USH2A: variants seen among roughly 807,000 people sequenced by gnomAD.
USH2A encodes the protein usherin, also known as Usher syndrome 2A (autosomal recessive, mild).
Under a neutral mutation model 538.9 loss-of-function variants are expected in USH2A, and 443 were observed. The ratio of observed to expected loss-of-function variants is 0.82; its 90% CI spans 0.76 to 0.89. The LOEUF (loss-of-function observed/expected upper bound fraction) is 0.89, where lower values mean the gene tolerates loss of function less well. USH2A is among the 40% of genes least tolerant of loss of function. The pLI, the probability that USH2A is intolerant of heterozygous loss-of-function variation, is 0.00. For synonymous variants in USH2A, 2,413 were observed against 2,273.5 expected (o/e 1.06, Z -1.75); for missense variants, 6,633 against 6,324.8 (o/e 1.05, Z -1.65).
chr1:216,130,398 G>A lies in USH2A; in HGVS notation c.4628-33185C>T, dbSNP rs1481411759. On this transcript the variant is annotated intron_variant, in intron 21 of 71. Transcript: ENST00000307340. ...TAACTTAGCTCCCACTTTTGAGTGA[G>A]CATATATGATGTTTGGTTTTCCATT... Among the ~76,000 whole-genome samples, 10 of 151,500 alleles carry A rather than the reference G, an allele frequency of 6.6e-5. No homozygotes were observed. In the Admixed American group the frequency reaches 6.6e-4, roughly 10 times the overall value.
chr1:216,137,175 T>C (rs1428566347), intron 21 of USH2A, among the ~76,000 whole-genome samples: 1 of 152,176 alleles, frequency 6.6e-6, no homozygotes, highest in Non-Finnish European at 1.5e-5. Flanking sequence ...GAAAACCCTT[T>C]GGTGGCATGC....
intron 11 of USH2A, among the ~76,000 whole-genome samples, chr1:216,253,323 C>T (rs561775645): frequency 1.3e-5 from 2 of 151,996 alleles, no homozygotes; most frequent in South Asian, 2.1e-4. Flanking sequence ...GGCCACCAGG[C>T]ACGGCTAATT....
chr1:216,228,026 T>C (rs2035594831), intron 14 of USH2A, among the ~76,000 whole-genome samples: 1 of 151,950 alleles, frequency 6.6e-6, no homozygotes. Flanking sequence ...ACAGTGAAGT[T>C]AGGGATGGGG....
In USH2A at chr1:215,648,516, C is replaced by T. The variant is rs563747629; in HGVS notation, c.14582+12G>A. The T allele has an allele frequency of 1.2e-6, 2 of 1,613,260 alleles. No individual in the cohort carries two copies. The highest frequency in any genetic ancestry group is 4.5e-5 in the East Asian group (2 of 44,884). ...CTTGTTAGTTTCTTCATCCTTCTGC[C>T]TGACCCATTACCTGTGAATGACACC... On this transcript the variant is annotated intron_variant, in intron 66 of 71. Transcript: ENST00000307340.
chr1:215,709,926 A>G (rs1432687313), intron 61 of USH2A, among the ~76,000 whole-genome samples: 1 of 152,224 alleles, frequency 6.6e-6, no homozygotes, highest in African/African-American at 2.4e-5. Flanking sequence ...ATCTCTGTTA[A>G]GCTTAAAGGC....
rs541498993 is a variant in USH2A, at chr1:215,968,149, T to C, written c.6957+2476A>G. On this transcript the variant is annotated intron_variant, in intron 36 of 71. Transcript: ENST00000307340. ...TCCTGCTGCATTCTGTTAATTTTTA[T>C]GTTATTTCAAAATTTATAAAACCCC... is the stretch of plus-strand genomic sequence containing the variant. Among the ~76,000 whole-genome samples, 271 of 152,312 alleles carry C rather than the reference T, an allele frequency of 1.8e-3. 1 individual carries two copies. The highest frequency in any genetic ancestry group is 6.3e-3 in the African/African-American group (263 of 41,582).
chr1:216,133,252 T>C (rs1487494049), intron 21 of USH2A, among the ~76,000 whole-genome samples: 1 of 152,146 alleles, frequency 6.6e-6, no homozygotes, highest in Non-Finnish European at 1.5e-5. Flanking sequence ...ACATTTTAAA[T>C]ATATTTTGTT....
intron 64 of USH2A, among the ~76,000 whole-genome samples, chr1:215,652,890 G>C (rs1432324558): frequency 6.6e-6 from 1 of 152,182 alleles, no homozygotes; most frequent in Non-Finnish European, 1.5e-5. Context: ...GGCTACAATG[G>C]ATGGGGAGGA....
rs142413495 is a variant in USH2A, at chr1:216,000,310, A to AAAT, written c.6485+90_6485+92dup. The AAAT allele has an allele frequency of 1.7e-3, 2,599 of 1,541,614 alleles. 68 individuals are homozygous for AAAT. The East Asian group carries it at 0.048, about 28-fold the overall frequency. On this transcript the variant is annotated intron_variant, in intron 33 of 71. Coordinates refer to ENST00000307340, the MANE Select transcript of USH2A (RefSeq NM_206933.4). ...CACTTCTATGCATTTAATCACAATA[A>AAAT]AATTAATTTTATGTCACAAGCTCCT...
At chr1:216,159,893 T>C (rs2034020621) in intron 21 of USH2A, among the ~76,000 whole-genome samples, 1 of 152,078 alleles carries the variant, frequency 6.6e-6, no homozygotes, top group Admixed American at 6.6e-5. Flanking sequence ...AATTTGGAGA[T>C]TTTTCTCCCA....
At chr1:216,264,187 A>T (rs1454852041) in intron 11 of USH2A, among the ~76,000 whole-genome samples, 1 of 152,170 alleles carries the variant, frequency 6.6e-6, no homozygotes, top group Non-Finnish European at 1.5e-5. Context: ...TATCAAAAGC[A>T]ATCTACAGAT....
At chr1:216,275,917 T>C (rs1218741149) in intron 11 of USH2A, among the ~76,000 whole-genome samples, 2 of 152,152 alleles carry the variant, frequency 1.3e-5, no homozygotes. Context: ...TTCCTACTTT[T>C]GGATAGTGTA....
At chr1:215,707,396 T>G (rs1659211472) in intron 61 of USH2A, among the ~76,000 whole-genome samples, 1 of 152,194 alleles carries the variant, frequency 6.6e-6, no homozygotes, top group South Asian at 2.1e-4. Context: ...ATCATCTACT[T>G]TTTCTGAGCT....
chr1:216,083,908 C>T (rs993467449), intron 25 of USH2A, among the ~76,000 whole-genome samples: 1 of 152,020 alleles, frequency 6.6e-6, no homozygotes, highest in African/African-American at 2.4e-5. Flanking sequence ...CTAAAAGAAA[C>T]TCAGAATGAC....
intron 19 of USH2A, among the ~76,000 whole-genome samples, chr1:216,193,347 G>A (rs2102658253): frequency 6.6e-6 from 1 of 152,172 alleles, no homozygotes; most frequent in Middle Eastern, 3.4e-3. Context: ...AATTGCAAAT[G>A]AGTGAACACG....
At chr1:216,070,073 G>A in intron 30 of USH2A, 28 bp downstream of exon 30, 2 of 1,611,818 alleles carry the variant, frequency 1.2e-6, no homozygotes, top group South Asian at 1.1e-5. Context: ...AGTTAATAGG[G>A]TCTACTCTGT....
chr1:215,772,601 T>C (rs1023279863), intron 55 of USH2A, among the ~76,000 whole-genome samples: 2 of 152,226 alleles, frequency 1.3e-5, no homozygotes, highest in African/African-American at 4.8e-5. Flanking sequence ...CATAAAAATA[T>C]GATTTGGAAA....
At chr1:216,260,605 G>A (rs1429257822) in intron 11 of USH2A, among the ~76,000 whole-genome samples, 1 of 152,142 alleles carries the variant, frequency 6.6e-6, no homozygotes, top group African/African-American at 2.4e-5. Flanking sequence ...TGCCAAGGTT[G>A]AGAATCATGA....
chr1:215,761,097 C>G (rs1483207520), intron 56 of USH2A, among the ~76,000 whole-genome samples: 1 of 152,188 alleles, frequency 6.6e-6, no homozygotes, highest in African/African-American at 2.4e-5. Flanking sequence ...CTTTCTATCC[C>G]TAGAATGCTT....
Sources: allele counts gnomAD v4.1 joint callset (sites outside exome capture counted in the v4.1 genomes callset), GRCh38; gene constraint gnomAD v4.1.1; transcripts MANE v1.5; gene names NCBI Gene and HGNC (gene_info 2026-07-23, HGNC 2026-07-21).